NPAS3: variants seen among roughly 807,000 people sequenced by gnomAD.
NPAS3 encodes neuronal PAS domain protein 3, also known as neuronal PAS domain-containing protein 3.
A neutral mutation model predicts 73.1 loss-of-function variants in NPAS3; 14 were observed. The observed-to-expected ratio is 0.19, with a 90% CI of 0.13 to 0.30. The LOEUF (loss-of-function observed/expected upper bound fraction) is 0.30, where lower values mean the gene tolerates loss of function less well. Ranked by LOEUF, NPAS3 falls within the 10% of genes least tolerant of loss-of-function variation. The pLI, the probability that NPAS3 is intolerant of heterozygous loss-of-function variation, is 1.00. For missense variants in NPAS3, 1,096 were observed against 1,250.0 expected (o/e 0.88, Z 1.86); for synonymous variants, 620 against 541.5 (o/e 1.14, Z -2.01).
rs1353045497 is a variant in NPAS3 at position 33,575,139 on chromosome 14, A to G, written c.558+14929A>G. 8.5e-5 allele frequency among the ~76,000 whole-genome samples: 13 copies of G among 152,194 alleles called. No individual in the cohort carries two copies. In the South Asian group the frequency reaches 2.5e-3, roughly 29 times the overall value. On this transcript the variant is annotated intron_variant, in intron 5 of 11. Coordinates refer to ENST00000356141, the Ensembl canonical transcript of NPAS3. ...ATCCTAGGAAATTCTAAGGAGAGTA[A>G]TGGATTCCATTGTAGACCAACATAT...
intron 5 of NPAS3, among the ~76,000 whole-genome samples, chr14:33,586,643 C>G (rs930846872): frequency 6.6e-6 from 1 of 152,028 alleles, no homozygotes; most frequent in African/African-American, 2.4e-5. Context: ...TTTTTTAATG[C>G]CAATACATTT....
chr14:33,161,020 G>A (rs915742419), intron 2 of NPAS3, among the ~76,000 whole-genome samples: 1 of 152,194 alleles, frequency 6.6e-6, no homozygotes, highest in Admixed American at 6.5e-5. Context: ...TCCAAACAGT[G>A]GAGGACAATG....
chr14:33,470,450 T>C (rs183992551), intron 4 of NPAS3, among the ~76,000 whole-genome samples: 1 of 152,312 alleles, frequency 6.6e-6, no homozygotes, highest in East Asian at 1.9e-4. Context: ...AGGGTCCGTA[T>C]TGAACCATAG....
intron 3 of NPAS3, among the ~76,000 whole-genome samples, chr14:33,252,057 CTGTG>C (rs3057325): frequency 0.25 from 36,259 of 144,842 alleles, 4,509 homozygotes; most frequent in Middle Eastern, 0.35. Context: ...GTGTGTGTGT[CTGTG>C]TGTGTGTGTG....
rs1045022378 is a variant in NPAS3 at position 33,464,159 on chromosome 14, G to A, written c.469-95962G>A. On this transcript the variant is annotated intron_variant, in intron 4 of 11. Coordinates refer to ENST00000356141, the Ensembl canonical transcript of NPAS3. The stretch of plus-strand genomic sequence containing the variant: ...TCACACATGAGAAAACTGCAGTTAT[G>A]GATTTGCTTAATGCATTCATTGCTT... Among the ~76,000 whole-genome samples, 8 of 152,258 alleles carry A rather than the reference G, an allele frequency of 5.3e-5. No individual in the cohort carries two copies. The South Asian group carries it at 1.7e-3, about 32-fold the overall frequency.
chr14:33,452,692 G>A (rs1370906268), intron 4 of NPAS3, among the ~76,000 whole-genome samples: 1 of 145,796 alleles, frequency 6.9e-6, no homozygotes, highest in Non-Finnish European at 1.5e-5. Context: ...GAAGAATGGC[G>A]TGAATTCGGG....
chr14:33,510,526 G>C (rs983127000), intron 4 of NPAS3, among the ~76,000 whole-genome samples: 6 of 152,026 alleles, frequency 3.9e-5, no homozygotes, highest in African/African-American at 1.4e-4. Flanking sequence ...TTCCTCACAA[G>C]CATGAGTTAA....
chr14:33,353,944 A>T (rs927396302), intron 3 of NPAS3, among the ~76,000 whole-genome samples: 5 of 152,164 alleles, frequency 3.3e-5, no homozygotes, highest in Admixed American at 3.3e-4. Context: ...CATCTGGAAG[A>T]GCTGGAGGCT....
intron 4 of NPAS3, among the ~76,000 whole-genome samples, chr14:33,548,179 G>A (rs2054934745): frequency 6.6e-6 from 1 of 152,196 alleles, no homozygotes; most frequent in South Asian, 2.1e-4. Context: ...AGCTGTGGCT[G>A]AACGTATTAT....
At chr14:33,171,003 A>T (rs1233315252) in intron 2 of NPAS3, among the ~76,000 whole-genome samples, 1 of 152,202 alleles carries the variant, frequency 6.6e-6, no homozygotes, top group East Asian at 1.9e-4. Context: ...CCATTAGAGG[A>T]ATCACTACCT....
chr14:33,748,305 A>G (rs550960116), intron 7 of NPAS3, among the ~76,000 whole-genome samples: 5 of 152,200 alleles, frequency 3.3e-5, no homozygotes, highest in Non-Finnish European at 7.3e-5. Context: ...ATAAGATGAT[A>G]CTATAACTTT....
At chr14:33,342,383 G>A (rs1284938841) in intron 3 of NPAS3, among the ~76,000 whole-genome samples, 1 of 152,204 alleles carries the variant, frequency 6.6e-6, no homozygotes, top group Non-Finnish European at 1.5e-5. Context: ...CACAGAATGT[G>A]TGTGGTCCTG....
intron 6 of NPAS3, among the ~76,000 whole-genome samples, chr14:33,708,401 A>C (rs1385276381): frequency 6.6e-6 from 1 of 152,204 alleles, no homozygotes; most frequent in African/African-American, 2.4e-5. Context: ...TAATAATAAT[A>C]ATCCTTGCAA....
At chr14:33,264,110 A>G (rs924698257) in intron 3 of NPAS3, among the ~76,000 whole-genome samples, 15 of 152,214 alleles carry the variant, frequency 9.9e-5, no homozygotes, top group African/African-American at 3.6e-4. Flanking sequence ...TGATGAGTTC[A>G]TATCCTTTGT....
intron 4 of NPAS3, among the ~76,000 whole-genome samples, chr14:33,407,142 G>A (rs1365754122): frequency 6.6e-6 from 1 of 152,136 alleles, no homozygotes; most frequent in Non-Finnish European, 1.5e-5. Flanking sequence ...AGTAGGTAAT[G>A]CATTTACATG....
chr14:33,798,239 A>T (rs1315701834), intron 11 of NPAS3, among the ~76,000 whole-genome samples: 1 of 152,160 alleles, frequency 6.6e-6, no homozygotes, highest in African/African-American at 2.4e-5. Context: ...ATGCATTTTC[A>T]TTTCCTTTGG....
chr14:33,584,644 G>A (rs967865350), intron 5 of NPAS3, among the ~76,000 whole-genome samples: 20 of 152,172 alleles, frequency 1.3e-4, no homozygotes, highest in African/African-American at 4.1e-4. Context: ...GAGATAACCT[G>A]TCCTTGGAGT....
chr14:33,663,527 C>CTTT (rs1181131771), intron 5 of NPAS3, among the ~76,000 whole-genome samples: 1 of 151,976 alleles, frequency 6.6e-6, no homozygotes. Context: ...CTGAAATTTT[C>CTTT]TTTTTTTGTT....
chr14:33,244,896 GT>G (rs2048327439), intron 3 of NPAS3, among the ~76,000 whole-genome samples: 1 of 152,132 alleles, frequency 6.6e-6, no homozygotes, highest in African/African-American at 2.4e-5. Flanking sequence ...GGGACAAGTG[GT>G]TTTCCTCTAG....
Sources: gnomAD v4.1 joint callset for allele counts (sites outside exome capture counted in the v4.1 genomes callset) on GRCh38, gnomAD v4.1.1 for gene constraint, MANE v1.5 for transcripts, NCBI Gene and HGNC (gene_info 2026-07-23, HGNC 2026-07-21) for gene names.